The following ABCA6 variants were observed in gnomAD, a reference collection of about 807,000 sequenced individuals.
ABCA6 encodes the protein ATP-binding cassette sub-family A member 6.
Under a neutral mutation model 191.2 loss-of-function variants are expected in ABCA6, and 164 were observed. The ratio of observed to expected loss-of-function variants is 0.86; its 90% CI spans 0.76 to 0.98. The LOEUF is 0.98. Ranked by LOEUF, ABCA6 falls within the 50% of genes least tolerant of loss-of-function variation. ABCA6 has a pLI of 0.00. For synonymous variants in ABCA6, 636 were observed against 647.7 expected (o/e 0.98, Z 0.27); for missense variants, 1,958 against 1,894.1 (o/e 1.03, Z -0.63).
At chr17:69,123,973 G>GGAAGAC (rs2073700232) in intron 9 of ABCA6, among the ~76,000 whole-genome samples, 1 of 151,836 alleles carries the variant, frequency 6.6e-6, no homozygotes, top group Non-Finnish European at 1.5e-5. Flanking sequence ...CAAATATTTG[G>GGAAGAC]GAAGACACAA....
At chr17:69,086,528 G>C (rs1303141900) in intron 30 of ABCA6, 90 bp downstream of exon 30, 1 of 506,734 alleles carries the variant, frequency 2.0e-6, no homozygotes, top group African/African-American at 2.1e-5. Context: ...ATGAATGAAT[G>C]CTTCAGCGAG....
At chr17:69,109,347 C>T (rs1190826597) in intron 17 of ABCA6, 1 of 152,080 alleles carries the variant, frequency 6.6e-6, no homozygotes, top group African/African-American at 2.4e-5. Flanking sequence ...ACCATTAGAA[C>T]AGTGCCTAAC....
At chr17:69,120,885 G>A (rs560777489) in intron 10 of ABCA6, among the ~76,000 whole-genome samples, 2 of 152,122 alleles carry the variant, frequency 1.3e-5, no homozygotes, top group Non-Finnish European at 2.9e-5. Flanking sequence ...GGAAGAGCCA[G>A]TTGTGAATAA....
At chr17:69,086,863 G>A (rs1413243273) in intron 29 of ABCA6, 128 bp from the exon 30 acceptor site, 2 of 593,428 alleles carry the variant, frequency 3.4e-6, no homozygotes, top group Non-Finnish European at 5.9e-6. Flanking sequence ...GCTGCTAAAT[G>A]TAATATGCAT....
At chr17:69,104,160 C>T (rs1041816643) in intron 20 of ABCA6, 1 of 152,050 alleles carries the variant, frequency 6.6e-6, no homozygotes, top group East Asian at 1.9e-4. Flanking sequence ...AAAAGATAAA[C>T]GTGTTACCAA....
chr17:69,087,720 C>T (rs1417770186), intron 28 of ABCA6: 1 of 498,796 alleles, frequency 2.0e-6, no homozygotes, highest in African/African-American at 2.0e-5. Flanking sequence ...TCAGCAGGTA[C>T]TGCTCCTTTC....
At chr17:69,109,054 C>T (rs548292651) in intron 17 of ABCA6, 2 of 152,300 alleles carry the variant, frequency 1.3e-5, no homozygotes, top group South Asian at 4.1e-4. Context: ...ACACCATCTT[C>T]TATGCTACTA....
chr17:69,136,229 GGT>G lies in ABCA6; in HGVS notation c.321_322del (p.Pro108LysfsTer2), dbSNP rs766923672. The G allele has an allele frequency of 7.6e-6, 12 of 1,575,344 alleles. No homozygotes were observed. Among genetic ancestry groups the G allele is most frequent in the Non-Finnish European group, 9.5e-6 (11 of 1,161,132 alleles). ...TATTTCGTCCATGTGTGTTTTATTT[GGT>G]GCCCCAATGACACTTGTTCCTGTGA... On this transcript the variant is annotated frameshift_variant, in exon 4 of 39. Coordinates refer to ENST00000284425, the MANE Select transcript of ABCA6 (RefSeq NM_080284.3). LOFTEE classifies it high-confidence loss of function.
Position 69,125,035 on chromosome 17 carries a change from T to C in ABCA6, c.1120A>G (p.Ile374Val). 7.5e-7 allele frequency: 1 copy of C among 1,340,306 alleles called. No individual in the cohort carries two copies. The highest frequency in any genetic ancestry group is 9.9e-7 in the Non-Finnish European group (1 of 1,013,790). The allele number at this position is 1,340,306 out of a possible 1,614,324, so 83.0% of individuals were successfully genotyped here. ...PFAFTTGMIQ[I>V]IKLDYNLNGV... ...TTCAAGTTATAATCCAGTTTGATAATCTAAGATTCAAAAAATAAAAATAAA... is the reference window on the plus strand; with the variant it reads ...TTCAAGTTATAATCCAGTTTGATAACCTAAGATTCAAAAAATAAAAATAAA... The change falls in exon 9 of 39, where the codon ATT becomes GTT. Residue 374 changes from isoleucine to valine, a missense_variant and splice_region_variant. By Grantham distance (29) the Ile-to-Val change is conservative. Transcript: ENST00000284425.
intron 4 of ABCA6, chr17:69,135,733 C>T: frequency 1.1e-5 from 4 of 370,468 alleles, no homozygotes; most frequent in Non-Finnish European, 1.9e-5. Flanking sequence ...CTATTAGGAA[C>T]CCCTGGTCTA....
intron 17 of ABCA6, 36 bp from the exon 18 acceptor site, chr17:69,107,848 A>G: frequency 8.0e-7 from 1 of 1,252,684 alleles, no homozygotes; most frequent in Non-Finnish European, 1.2e-6. Context: ...ACTTTGGAAA[A>G]CCACATTGAG....
chr17:69,129,713 A>G lies in ABCA6; in HGVS notation c.830T>C (p.Ile277Thr), dbSNP rs2073828304. 4 of 1,605,098 alleles carry G rather than the reference A, an allele frequency of 2.5e-6. No homozygotes were observed. The highest frequency in any genetic ancestry group is 3.4e-6 in the Non-Finnish European group (4 of 1,173,072). The change falls in exon 7 of 39, where the codon ATT becomes ACT. Residue 277 changes from isoleucine (I) to threonine (T), a missense_variant. Physicochemically the swap from Ile to Thr is moderately conservative, Grantham distance 89. Transcript: ENST00000284425. Reference sequence around the variant, plus strand: ...GATAATTGTAACGAATATGGAAATAATAAAGATGAAGCCAGCATAGATTAG... The same window carrying G: ...GATAATTGTAACGAATATGGAAATAGTAAAGATGAAGCCAGCATAGATTAG... ...WGLIYAGFIF[I>T]ISIFVTIIIT...
At chr17:69,118,949 CACAG>C (rs2073588896) in intron 10 of ABCA6, among the ~76,000 whole-genome samples, 1 of 151,998 alleles carries the variant, frequency 6.6e-6, no homozygotes, top group African/African-American at 2.4e-5. Context: ...CACACACACA[CACAG>C]ACACACAGCT....
intron 8 of ABCA6, among the ~76,000 whole-genome samples, chr17:69,127,271 C>A (rs573660479): frequency 1.3e-5 from 2 of 152,156 alleles, no homozygotes; most frequent in Admixed American, 6.5e-5. Flanking sequence ...AAAAAGCATT[C>A]TACATAAAAG....
chr17:69,123,395 C>T lies in ABCA6; in HGVS notation c.1280G>A (p.Arg427His), dbSNP rs745521265. ...CAAGAAAAATAAAGGAGAATAATGG[C>T]GCTCATCTCCATCTAATTAACCAAG... ...FDKILPYGDE[R>H]HYSPLFFLNS... is the part of the protein sequence containing the mutation. Residue 427 changes from arginine (R) to histidine (H), a missense_variant, in exon 10 of 39, where the codon CGC becomes CAC. By Grantham distance (29) the Arg-to-His change is conservative. Transcript: ENST00000284425. 7.0e-5 allele frequency: 104 copies of T among 1,485,412 alleles called. No individual in the cohort carries two copies. The South Asian group carries it at 1.4e-3, about 20-fold the overall frequency. The allele number at this position is 1,485,412 out of a possible 1,614,324, so 92.0% of individuals were successfully genotyped here.
At chr17:69,079,942 A>AGGC (rs1185889784) in intron 37 of ABCA6, among the ~76,000 whole-genome samples, 1 of 152,192 alleles carries the variant, frequency 6.6e-6, no homozygotes, top group Non-Finnish European at 1.5e-5. Context: ...AGGGAGCGCT[A>AGGC]GGCACTCTTT....
chr17:69,093,312 G>A lies in ABCA6; in HGVS notation c.3409-2050C>T, dbSNP rs527902652. On this transcript the variant is annotated intron_variant, in intron 25 of 38. Transcript: ENST00000284425. ...CAAGGCTGAAAAGAATTTAAGTTGCGCACCCCCACCTCCGCCGAAGTTAAA... is the reference window on the plus strand; with the variant it reads ...CAAGGCTGAAAAGAATTTAAGTTGCACACCCCCACCTCCGCCGAAGTTAAA... 5.3e-5 allele frequency among the ~76,000 whole-genome samples: 8 copies of A among 152,194 alleles called. 1 individual carries two copies. The highest frequency in any genetic ancestry group is 9.6e-5 in the African/African-American group (4 of 41,526).
chr17:69,100,764 T>C (rs767599368), intron 22 of ABCA6, 33 bp downstream of exon 22: 2 of 1,559,316 alleles, frequency 1.3e-6, no homozygotes, highest in Non-Finnish European at 8.7e-7. Context: ...GTCCAATTCT[T>C]AATTGTTTAG....
chr17:69,101,096 A>T (rs1040718580), intron 21 of ABCA6, among the ~76,000 whole-genome samples, 162 bp from the exon 22 acceptor site: 2 of 152,216 alleles, frequency 1.3e-5, no homozygotes, highest in Non-Finnish European at 2.9e-5. Context: ...TGAAAAGGAA[A>T]TACTAAATGG....
Sources: gnomAD v4.1 joint callset for allele counts (sites outside exome capture counted in the v4.1 genomes callset) on GRCh38, gnomAD v4.1.1 for gene constraint, MANE v1.5 for transcripts, NCBI Gene and HGNC (gene_info 2026-07-23, HGNC 2026-07-21) for gene names.